Variants in TFE3 observed in about 807,000 individuals in gnomAD.
The protein encoded by TFE3 is transcription factor E3.
Under a neutral mutation model 35.0 loss-of-function variants are expected in TFE3, and 5 were observed. The ratio of observed to expected loss-of-function variants is 0.14; its 90% CI spans 0.07 to 0.30. The LOEUF (loss-of-function observed/expected upper bound fraction) is 0.30. Among genes scored for constraint, TFE3 ranks in the 10% least tolerant of loss-of-function variants. TFE3 has a pLI of 1.00. For synonymous variants in TFE3, 211 were observed against 215.6 expected, an observed-to-expected ratio of 0.98 and a Z score of 0.18; for missense variants, 374 against 496.6, an observed-to-expected ratio of 0.75 and a Z score of 2.35.
intron 5 of TFE3, among the ~76,000 whole-genome samples, chrX:49,036,855 CA>C (rs2064733336): frequency 9.0e-6 from 1 of 111,718 alleles, no homozygotes. Context: ...TTGGAGTGTT[CA>C]AAACCAGAAT....
chrX:49,042,130 G>C (rs782193963), intron 1 of TFE3, among the ~76,000 whole-genome samples: 1 of 111,890 alleles, frequency 8.9e-6, no homozygotes, highest in Non-Finnish European at 1.9e-5. Flanking sequence ...GTAAGGATGA[G>C]AAGAGGCCAG....
chrX:49,039,990 C>G (rs782250054), intron 2 of TFE3, among the ~76,000 whole-genome samples: 2 of 110,153 alleles, frequency 1.8e-5, no homozygotes, highest in Non-Finnish European at 1.9e-5. Flanking sequence ...TCTCAGAGCC[C>G]GGGCCGATGA....
At chrX:49,030,653 G>A in intron 9 of TFE3, 52 bp from the exon 10 acceptor site, 1 of 1,038,520 alleles carries the variant, frequency 9.6e-7, no homozygotes, top group African/African-American at 1.8e-5. Context: ...GAGTCCCTCA[G>A]AGGCAGAGGA....
Position 49,033,532 on chromosome X carries a change from G to A in TFE3, c.1069C>T (p.Arg357Cys), listed in dbSNP as rs2147770107. Residue 357 changes from arginine to cysteine, a missense_variant, in exon 8 of 10, where the codon CGC becomes TGC. Transcript: ENST00000315869. ...CTGTCGTTAATGTTGAATCGCCTGC[G>A]ACGCTCAACTTTGGAGAGGGGAGGA... ...KKDNHNLIER[R>C]RRFNINDRIK... 8.3e-7 allele frequency: 1 copy of A among 1,211,565 alleles called. No individual in the cohort carries two copies. The highest frequency in any genetic ancestry group is 1.1e-6 in the Non-Finnish European group (1 of 895,361).
At chrX:49,033,830 A>T (rs781835191) in intron 6 of TFE3, 48 bp from the exon 7 acceptor site, 3 of 1,172,096 alleles carry the variant, frequency 2.6e-6, no homozygotes, top group Non-Finnish European at 3.5e-6. Flanking sequence ...GGAAGGCAAG[A>T]AACACATGCA....
At chrX:49,039,454 A>G in intron 2 of TFE3, 44 bp from the exon 3 acceptor site, 1 of 1,124,156 alleles carries the variant, frequency 8.9e-7, no homozygotes, top group Non-Finnish European at 1.2e-6. Flanking sequence ...GTAAGCTAAA[A>G]GTCTCATCCC....
chrX:49,035,823 A>G (rs781840386), intron 5 of TFE3, among the ~76,000 whole-genome samples: 1 of 110,986 alleles, frequency 9.0e-6, no homozygotes, highest in African/African-American at 3.3e-5. Context: ...ACATGCTTCC[A>G]TCCTATTGAT....
chrX:49,034,394 C>T lies in TFE3; in HGVS notation c.886-143G>A, dbSNP rs2064716868. On this transcript the variant is annotated intron_variant, in intron 5 of 9. Transcript: ENST00000315869. Reference sequence around the variant, plus strand: ...AGGACTGGCTGACTCAGCACCAGAACCCTTGCTTCTCCTTCAAGGCAAATT... The same window carrying T: ...AGGACTGGCTGACTCAGCACCAGAATCCTTGCTTCTCCTTCAAGGCAAATT... 31 of 469,956 alleles carry T rather than the reference C, an allele frequency of 6.6e-5. No individual in the cohort carries two copies. In the South Asian group the frequency reaches 8.8e-4, roughly 13 times the overall value. The allele number at this position is 469,956 out of a possible 1,213,427, so 38.7% of individuals were successfully genotyped here. A position where few individuals can be genotyped will look rare whatever the true frequency, so the allele number is the denominator to read the frequency against.
chrX:49,039,716 G>A (rs1037412679), intron 2 of TFE3: 6 of 233,153 alleles, frequency 2.6e-5, no homozygotes, highest in Non-Finnish European at 4.6e-5. Flanking sequence ...CTCTGCAAGG[G>A]GGGGTTTGTC....
chrX:49,033,073 G>A (rs782000566), intron 8 of TFE3, among the ~76,000 whole-genome samples: 92 of 110,864 alleles, frequency 8.3e-4, no homozygotes, highest in Admixed American at 1.4e-3. Flanking sequence ...AAAGTGCTGG[G>A]ATTACAGGCA....
In TFE3 at chrX:49,037,700, A is replaced by G. The variant is rs1272975014; in HGVS notation, c.885+310T>C. The G allele has an allele frequency of 2.2e-4, 22 of 98,644 alleles. No homozygotes were observed. In the South Asian group the frequency reaches 5.0e-3, roughly 22 times the overall value. 8.1% of individuals were successfully genotyped at this position (98,644 alleles called of 1,213,427 possible). A position where few individuals can be genotyped will look rare whatever the true frequency, so the allele number is the denominator to read the frequency against. On this transcript the variant is annotated intron_variant, in intron 5 of 9. Coordinates refer to ENST00000315869, the MANE Select transcript of TFE3 (RefSeq NM_006521.6). ...GGTGACAGAGCGAGACTCCGTCTCG[A>G]AAAAAAAAAAAAAAAAAGATTATCA...
intron 7 of TFE3, 75 bp from the exon 8 acceptor site, chrX:49,033,615 A>G: frequency 8.4e-7 from 1 of 1,184,089 alleles, no homozygotes. Flanking sequence ...AGAGACAGAA[A>G]GTAGGGAGTT....
intron 8 of TFE3, 25 bp downstream of exon 8, chrX:49,033,440 C>A (rs2064710834): frequency 8.3e-7 from 1 of 1,199,158 alleles, no homozygotes; most frequent in African/African-American, 1.8e-5. Context: ...CTCCCGCTGG[C>A]CTGAGGGTCC....
At chrX:49,033,432 C>T in intron 8 of TFE3, 33 bp downstream of exon 8, 1 of 1,196,409 alleles carries the variant, frequency 8.4e-7, no homozygotes, top group African/African-American at 1.7e-5. Flanking sequence ...TGCCCCACCT[C>T]CCGCTGGCCT....
chrX:49,038,720 C>A (rs1318742402), intron 3 of TFE3, among the ~76,000 whole-genome samples: 1 of 110,542 alleles, frequency 9.0e-6, no homozygotes, highest in Non-Finnish European at 1.9e-5. Context: ...CCCCAAGATT[C>A]CCCACCTAGT....
At chrX:49,042,999 T>C in intron 1 of TFE3, 112 bp downstream of exon 1, 2 of 573,259 alleles carry the variant, frequency 3.5e-6, no homozygotes, top group East Asian at 8.5e-5. Context: ...CGCCCCGACG[T>C]CCTCCAAGGC....
chrX:49,042,760 A>G (rs782251878), intron 1 of TFE3, among the ~76,000 whole-genome samples: 1 of 110,982 alleles, frequency 9.0e-6, no homozygotes, highest in South Asian at 3.8e-4. Context: ...CATTCCCCTC[A>G]TGTCCGACTG....
intron 5 of TFE3, among the ~76,000 whole-genome samples, chrX:49,035,990 T>C: frequency 9.2e-6 from 1 of 108,523 alleles, no homozygotes; most frequent in Middle Eastern, 4.7e-3. Flanking sequence ...GGCAACACAG[T>C]GAGACCCTGT....
At chrX:49,036,466 C>G (rs868946511) in intron 5 of TFE3, among the ~76,000 whole-genome samples, 1 of 57,872 alleles carries the variant, frequency 1.7e-5, no homozygotes, top group Non-Finnish European at 3.0e-5. Context: ...AACTCCATCT[C>G]AAAAAAAAAA....
Sources: gnomAD v4.1 joint callset for allele counts (sites outside exome capture counted in the v4.1 genomes callset) on GRCh38, gnomAD v4.1.1 for gene constraint, MANE v1.5 for transcripts, NCBI Gene and HGNC (gene_info 2026-07-23, HGNC 2026-07-21) for gene names.